Variants in SIK3 observed in about 807,000 individuals in gnomAD.
The protein encoded by SIK3 is SIK family kinase 3.
In SIK3, 28 loss-of-function variants were observed where a neutral mutation model predicts 144.2. The ratio of observed to expected loss-of-function variants is 0.19; its 90% CI spans 0.14 to 0.27. The LOEUF (loss-of-function observed/expected upper bound fraction) is 0.27, where lower values mean the gene tolerates loss of function less well. Among genes scored for constraint, SIK3 ranks in the 10% least tolerant of loss-of-function variants. The probability of loss-of-function intolerance (pLI) is 1.00; values close to 1 mark genes in which losing one functional copy is unlikely to be tolerated. For synonymous variants in SIK3, 686 were observed against 676.3 expected (o/e 1.01, Z -0.22); for missense variants, 1,319 against 1,776.0 (o/e 0.74, Z 4.62).
intron 1 of SIK3, among the ~76,000 whole-genome samples, chr11:116,967,095 C>G (rs928021856): frequency 6.6e-6 from 1 of 151,772 alleles, no homozygotes; most frequent in Non-Finnish European, 1.5e-5. Context: ...GGCAATAGGG[C>G]CTAAAATACA....
At chr11:116,941,038 G>C (rs1386828595) in intron 3 of SIK3, among the ~76,000 whole-genome samples, 1 of 151,954 alleles carries the variant, frequency 6.6e-6, no homozygotes, top group African/African-American at 2.4e-5. Flanking sequence ...ACGGAGCCTC[G>C]CTCTGTCCCC....
At chr11:117,084,010 C>G (rs540413112) in intron 1 of SIK3, among the ~76,000 whole-genome samples, 26 of 152,312 alleles carry the variant, frequency 1.7e-4, no homozygotes, top group African/African-American at 3.8e-4. Flanking sequence ...GAAGTACACA[C>G]TATAAATAAT....
At chr11:117,040,185 G>A (rs1315914044) in intron 1 of SIK3, among the ~76,000 whole-genome samples, 1 of 152,100 alleles carries the variant, frequency 6.6e-6, no homozygotes, top group African/African-American at 2.4e-5. Context: ...AAATCTCACT[G>A]AGCACCTATC....
chr11:116,885,619 C>G lies in SIK3; in HGVS notation c.866-8577G>C, dbSNP rs560339576. On this transcript the variant is annotated intron_variant, in intron 6 of 24. Transcript: ENST00000445177. ...TTTAAGAAAATTCTGCCTCCAGGTC[C>G]AATACAGAGTTCCTGCTACTCGTTT... Among the ~76,000 whole-genome samples the G allele has an allele frequency of 6.6e-5, 10 of 152,296 alleles. 1 individual carries two copies. The South Asian group carries it at 2.1e-3, about 32-fold the overall frequency.
chr11:117,020,060 G>A (rs1342592079), intron 1 of SIK3, among the ~76,000 whole-genome samples: 1 of 151,800 alleles, frequency 6.6e-6, no homozygotes, highest in African/African-American at 2.4e-5. Context: ...ACTGCTACTA[G>A]CTAAATAAAA....
At chr11:116,852,540 T>C (rs1218174808) in intron 21 of SIK3, among the ~76,000 whole-genome samples, 1 of 152,240 alleles carries the variant, frequency 6.6e-6, no homozygotes, top group Non-Finnish European at 1.5e-5. Flanking sequence ...CTTGCTTTGC[T>C]GGGTCTTAGT....
intron 1 of SIK3, among the ~76,000 whole-genome samples, chr11:117,027,769 G>A (rs1952081369): frequency 6.6e-6 from 1 of 152,066 alleles, no homozygotes; most frequent in Non-Finnish European, 1.5e-5. Context: ...GCCCGGCCCA[G>A]GGAAGGCTGT....
At chr11:117,066,432 A>G (rs983825512) in intron 1 of SIK3, among the ~76,000 whole-genome samples, 20 of 147,358 alleles carry the variant, frequency 1.4e-4, no homozygotes, top group Admixed American at 1.3e-4. Context: ...ATGGAATCGG[A>G]AAAAAAAAAA....
chr11:116,853,087 A>C (rs1157540051), intron 21 of SIK3, among the ~76,000 whole-genome samples: 1 of 152,238 alleles, frequency 6.6e-6, no homozygotes, highest in Admixed American at 6.5e-5. Flanking sequence ...CAAATCTTTC[A>C]GCTTCTCCTC....
chr11:116,871,895 T>A (rs745930075), intron 13 of SIK3, among the ~76,000 whole-genome samples: 14 of 152,188 alleles, frequency 9.2e-5, no homozygotes, highest in Admixed American at 4.6e-4. Context: ...TTGTGAATAC[T>A]TGTGGAATAA....
chr11:116,988,126 G>GT (rs1950381763), intron 1 of SIK3, among the ~76,000 whole-genome samples: 1 of 152,106 alleles, frequency 6.6e-6, no homozygotes, highest in East Asian at 1.9e-4. Flanking sequence ...GAAAAATGCA[G>GT]TAACGCCTGT....
intron 1 of SIK3, among the ~76,000 whole-genome samples, chr11:117,023,617 A>ATATATAT (rs1194910685): frequency 1.7e-4 from 19 of 109,152 alleles, no homozygotes; most frequent in Middle Eastern, 4.3e-3. Context: ...AACAAAAAAA[A>ATATATAT]AAAAATATAT....
chr11:116,897,140 C>A, intron 5 of SIK3, 53 bp downstream of exon 5: 1 of 1,576,404 alleles, frequency 6.3e-7, no homozygotes, highest in Admixed American at 1.8e-5. Context: ...GAATAGCTGT[C>A]ATCAACCAAG....
At position 116,847,606 on chromosome 11, in the gene SIK3, T is replaced by C. The variant is rs765697983; in HGVS notation, c.3822A>G (p.Val1274=). 4 of 1,614,168 alleles carry C rather than the reference T, an allele frequency of 2.5e-6. No homozygotes were observed. The South Asian group carries it at 4.4e-5, about 18-fold the overall frequency. The change falls in exon 23 of 25, where the codon GTA becomes GTG. Residue 1274 remains valine (V), a splice_region_variant and synonymous_variant. Coordinates refer to ENST00000445177, the MANE Select transcript of SIK3 (RefSeq NM_001366686.3). ...HTIQNSDDAY[V]QLDNLPGMSL... The stretch of plus-strand genomic sequence containing the variant: ...TCATTCCTGGCAAGTTATCCAGCTG[T>C]ACCTGCAGAAAACAGTTAAGAGAAG...
chr11:117,020,995 T>C (rs1481142633), intron 1 of SIK3, among the ~76,000 whole-genome samples: 2 of 152,198 alleles, frequency 1.3e-5, no homozygotes, highest in African/African-American at 4.8e-5. Flanking sequence ...GCCCTCAATC[T>C]GTGAGATCTG....
intron 4 of SIK3, among the ~76,000 whole-genome samples, chr11:116,922,721 T>C (rs2135086099): frequency 6.6e-6 from 1 of 151,960 alleles, no homozygotes; most frequent in South Asian, 2.1e-4. Flanking sequence ...AATTTATTCA[T>C]CTTCTACACG....
At chr11:116,947,526 TA>T (rs1948715818) in intron 3 of SIK3, among the ~76,000 whole-genome samples, 2 of 92,590 alleles carry the variant, frequency 2.2e-5, no homozygotes, top group African/African-American at 9.5e-5. Flanking sequence ...GAAATATATA[TA>T]TATATATGTA....
At chr11:116,946,565 A>T (rs1016225819) in intron 3 of SIK3, among the ~76,000 whole-genome samples, 6 of 152,274 alleles carry the variant, frequency 3.9e-5, no homozygotes, top group African/African-American at 1.4e-4. Flanking sequence ...GTGGAGGGAG[A>T]TACTATCTCT....
intron 21 of SIK3, among the ~76,000 whole-genome samples, chr11:116,855,926 G>A (rs1031090588): frequency 1.4e-4 from 21 of 152,216 alleles, no homozygotes; most frequent in Admixed American, 1.4e-3. Flanking sequence ...AGCCGGGCGC[G>A]GTGGCTCATG....
Sources: allele counts gnomAD v4.1 joint callset (sites outside exome capture counted in the v4.1 genomes callset), GRCh38; gene constraint gnomAD v4.1.1; transcripts MANE v1.5; gene names NCBI Gene and HGNC (gene_info 2026-07-23, HGNC 2026-07-21).